KIF24: variants seen among roughly 807,000 people sequenced by gnomAD.
The protein encoded by KIF24 is kinesin family member 24.
Under a neutral mutation model 118.9 loss-of-function variants are expected in KIF24, and 81 were observed. The ratio of observed to expected loss-of-function variants is 0.68; its 90% CI spans 0.57 to 0.82. The LOEUF is 0.82. KIF24 is among the 40% of genes least tolerant of loss of function. KIF24 has a pLI of 0.00. For synonymous variants in KIF24, 599 were observed against 610.0 expected (o/e 0.98, Z 0.27); for missense variants, 1,560 against 1,661.6 (o/e 0.94, Z 1.06).
In KIF24 at chr9:34,254,327, A is replaced by T; in HGVS notation, c.*53T>A. On this transcript the variant is annotated 3_prime_UTR_variant, in exon 13 of 13. Transcript: ENST00000402558. ...CTGGCAGAGGCTCCTCCAGCCTGAG[A>T]GCCCAGCACAGACTCCTGCAGGGCC... 6.6e-7 allele frequency: 1 copy of T among 1,521,374 alleles called. No homozygotes were observed. Among genetic ancestry groups the T allele is most frequent in the East Asian group, 2.3e-5 (1 of 42,922 alleles). 94.2% of individuals were successfully genotyped at this position (1,521,374 alleles called of 1,614,324 possible).
rs1445876438 is a variant in KIF24 at position 34,318,946 on chromosome 9, C to T, written c.-25-7575G>A. ...TCCACGAGTGGGCCGTGCAGACCAC[C>T]GACGGCAAGCTGCCCAAGGTCACCA... On this transcript the variant is annotated intron_variant, in intron 1 of 12. Transcript: ENST00000402558. This position sits in a 1 kb window ranked among gnomAD's most constrained non-coding sequence, Gnocchi z 4.9. 3.0e-5 allele frequency: 45 copies of T among 1,503,986 alleles called. No homozygotes were observed. Among genetic ancestry groups the T allele is most frequent in the Middle Eastern group, 1.7e-4 (1 of 5,942 alleles). 93.2% of individuals were successfully genotyped at this position (1,503,986 alleles called of 1,614,324 possible). A position where few individuals can be genotyped will look rare whatever the true frequency, so the allele number is the denominator to read the frequency against.
Position 34,255,175 on chromosome 9 carries a change from C to A in KIF24, c.3873-10G>T. 6.6e-7 allele frequency: 1 copy of A among 1,516,306 alleles called. No individual in the cohort carries two copies. Among genetic ancestry groups the A allele is most frequent in the Non-Finnish European group, 9.0e-7 (1 of 1,109,046 alleles). The allele number at this position is 1,516,306 out of a possible 1,614,324, so 93.9% of individuals were successfully genotyped here. A position where few individuals can be genotyped will look rare whatever the true frequency, so the allele number is the denominator to read the frequency against. Reference sequence around the variant, plus strand: ...TCGGATGACCACCTGCCTGGGAACACCAGAGAGAACACTGTGATCTTCCTG... The same window carrying A: ...TCGGATGACCACCTGCCTGGGAACAACAGAGAGAACACTGTGATCTTCCTG... On this transcript the variant is annotated splice_polypyrimidine_tract_variant and intron_variant, in intron 11 of 12. Coordinates refer to ENST00000402558, the MANE Select transcript of KIF24 (RefSeq NM_194313.4).
chr9:34,329,268 C>G lies in KIF24; in HGVS notation c.-188G>C, dbSNP rs567741944. Among the ~76,000 whole-genome samples the G allele has an allele frequency of 6.6e-6, 1 of 152,362 alleles. No homozygotes were observed. Among genetic ancestry groups the G allele is most frequent in the South Asian group, 2.1e-4 (1 of 4,830 alleles). ...CAACGCCGCCAAGCGCCAGTTCGAA[C>G]GCCCGCGCTGTGGCCCGCGCGTCGC... On this transcript the variant is annotated 5_prime_UTR_variant, in exon 1 of 13. Transcript: ENST00000402558.
In KIF24 at chr9:34,253,628, G is replaced by GT. The variant is rs1221450524; in HGVS notation, c.*751dup. 1 of 152,296 alleles carries GT rather than the reference G, an allele frequency of 6.6e-6. No individual in the cohort carries two copies. The allele number at this position is 152,296 out of a possible 1,614,324, so 9.4% of individuals were successfully genotyped here. On this transcript the variant is annotated 3_prime_UTR_variant, in exon 13 of 13. Coordinates refer to ENST00000402558, the MANE Select transcript of KIF24 (RefSeq NM_194313.4). ...CAGGAGCTGCCATGGAAGCATGAGA[G>GT]TATCGGGCATTGTACAGAGGCCTTT...
chr9:34,331,299 ACT>A (rs1837927669), upstream of KIF24, among the ~76,000 whole-genome samples: 1 of 152,202 alleles, frequency 6.6e-6, no homozygotes, highest in South Asian at 2.1e-4. Flanking sequence ...GGTAACAGTA[ACT>A]CATATATTTA....
intron 1 of KIF24, among the ~76,000 whole-genome samples, chr9:34,322,732 T>C (rs1837562310): frequency 6.6e-6 from 1 of 152,098 alleles, no homozygotes; most frequent in South Asian, 2.1e-4. Context: ...TGTATGCCTT[T>C]AGTCACAGCT....
chr9:34,322,470 T>C (rs530257182), intron 1 of KIF24, among the ~76,000 whole-genome samples: 1 of 152,116 alleles, frequency 6.6e-6, no homozygotes, highest in African/African-American at 2.4e-5. Flanking sequence ...CCTAAAGTGC[T>C]AGGACAGGCA....
At chr9:34,320,658 CA>C (rs68048466) in intron 1 of KIF24, among the ~76,000 whole-genome samples, 40 of 54,436 alleles carry the variant, frequency 7.3e-4, no homozygotes, top group Middle Eastern at 0.013. Flanking sequence ...AACTCCTTCT[CA>C]AAAAAAAAAA....
intron 9 of KIF24, among the ~76,000 whole-genome samples, chr9:34,262,859 T>G (rs1408010949): frequency 6.6e-6 from 1 of 150,982 alleles, no homozygotes; most frequent in Admixed American, 6.6e-5. Context: ...AGACCCTGTC[T>G]CAAAAACAAC....
intron 1 of KIF24, among the ~76,000 whole-genome samples, chr9:34,314,705 G>A (rs1347279224): frequency 1.3e-5 from 2 of 152,234 alleles, no homozygotes; most frequent in East Asian, 1.9e-4. Flanking sequence ...CAGATAATAC[G>A]TACAAGTACA....
chr9:34,286,489 G>A, intron 6 of KIF24, 128 bp downstream of exon 6: 1 of 638,292 alleles, frequency 1.6e-6, no homozygotes, highest in Non-Finnish European at 2.8e-6. Flanking sequence ...TTACAGATGG[G>A]AAGTGGTGGG....
In KIF24 at chr9:34,318,587, C is replaced by T. The variant is rs1210410470; in HGVS notation, c.-25-7216G>A. On this transcript the variant is annotated intron_variant, in intron 1 of 12. Transcript: ENST00000402558. This position sits in a 1 kb window ranked among gnomAD's most constrained non-coding sequence, Gnocchi z 4.9. The stretch of plus-strand genomic sequence containing the variant: ...CCTGTACCAGGCCATGGCCAAGGAC[C>T]AGGCGGTGGAGAACATCCTGGTGTC... 7.2e-7 allele frequency: 1 copy of T among 1,379,420 alleles called. No homozygotes were observed. 85.4% of individuals were successfully genotyped at this position (1,379,420 alleles called of 1,614,324 possible). A position where few individuals can be genotyped will look rare whatever the true frequency, so the allele number is the denominator to read the frequency against.
chr9:34,285,012 C>T (rs1348744740), intron 6 of KIF24, among the ~76,000 whole-genome samples: 1 of 151,866 alleles, frequency 6.6e-6, no homozygotes, highest in Non-Finnish European at 1.5e-5. Flanking sequence ...TTAATAAATG[C>T]CCAGAACAGG....
chr9:34,285,462 T>C (rs1341675905), intron 6 of KIF24, among the ~76,000 whole-genome samples: 1 of 151,798 alleles, frequency 6.6e-6, no homozygotes, highest in Non-Finnish European at 1.5e-5. Context: ...ACACCATCTC[T>C]ACAAAAAATT....
At chr9:34,278,135 A>G (rs1835722367) in intron 6 of KIF24, among the ~76,000 whole-genome samples, 1 of 152,040 alleles carries the variant, frequency 6.6e-6, no homozygotes, top group Non-Finnish European at 1.5e-5. Flanking sequence ...TTGGCCGGGC[A>G]CGGTGGCTCA....
chr9:34,331,567 C>A (rs760837921), upstream of KIF24, among the ~76,000 whole-genome samples: 1 of 152,052 alleles, frequency 6.6e-6, no homozygotes, highest in Non-Finnish European at 1.5e-5. Flanking sequence ...GCTTGACTTA[C>A]CTAAATTGGA....
intron 1 of KIF24, among the ~76,000 whole-genome samples, chr9:34,321,603 CTTTT>C (rs1213493493): frequency 1.0e-5 from 1 of 99,212 alleles, no homozygotes. Flanking sequence ...CATACTTCTT[CTTTT>C]TTTTTTTTTT....
intron 4 of KIF24, among the ~76,000 whole-genome samples, chr9:34,295,190 T>TGGATAGAC (rs2131768124): frequency 8.8e-6 from 1 of 113,716 alleles, no homozygotes; most frequent in East Asian, 3.3e-4. Flanking sequence ...ATTGGATGGA[T>TGGATAGAC]GGATAGACAG....
chr9:34,262,698 ATATATATATATATATG>A lies in KIF24; in HGVS notation c.1515+387_1515+402del, dbSNP rs1423870863. Among the ~76,000 whole-genome samples, 109 of 77,912 alleles carry A rather than the reference ATATATATATATATATG, an allele frequency of 1.4e-3. 3 individuals carry two copies. The highest frequency in any genetic ancestry group is 5.6e-3 in the African/African-American group (103 of 18,486). The allele number at this position is 77,912 out of a possible 152,430, so 51.1% of individuals were successfully genotyped here. A position where few individuals can be genotyped will look rare whatever the true frequency, so the allele number is the denominator to read the frequency against. On this transcript the variant is annotated intron_variant, in intron 9 of 12. Transcript: ENST00000402558. ...AAAATATATATATATATATATATAT[ATATATATATATATATG>A]GCCAGGCATGATGGCATATGCCTGT... is the stretch of plus-strand genomic sequence containing the variant.
Sources: allele counts gnomAD v4.1 joint callset (sites outside exome capture counted in the v4.1 genomes callset), GRCh38; gene constraint gnomAD v4.1.1; non-coding constraint Gnocchi (gnomAD v3.1); transcripts MANE v1.5; gene names NCBI Gene and HGNC (gene_info 2026-07-23, HGNC 2026-07-21).